Variants in CCDC144A observed in about 807,000 individuals in gnomAD.
The protein encoded by CCDC144A is coiled-coil domain containing 144A.
CCDC144A carries 41 observed loss-of-function variants against 143.8 expected under a neutral mutation model. The ratio of observed to expected loss-of-function variants is 0.29; its 90% CI spans 0.22 to 0.37. The LOEUF (loss-of-function observed/expected upper bound fraction) is 0.37, where lower values mean the gene tolerates loss of function less well. Ranked by LOEUF, CCDC144A falls within the 10% of genes least tolerant of loss-of-function variation. The pLI, the probability that CCDC144A is intolerant of heterozygous loss-of-function variation, is 1.00. For missense variants in CCDC144A, 637 were observed against 1,488.8 expected, an observed-to-expected ratio of 0.43 and a Z score of 9.41; for synonymous variants, 242 against 517.9, an observed-to-expected ratio of 0.47 and a Z score of 7.23.
At chr17:16,769,461 A>G (rs1915738847) in intron 15 of CCDC144A, among the ~76,000 whole-genome samples, 2 of 152,412 alleles carry the variant, frequency 1.3e-5, no homozygotes, top group Non-Finnish European at 2.9e-5. Context: ...TAGATGGTAA[A>G]GAGAAATCTG....
intron 12 of CCDC144A, among the ~76,000 whole-genome samples, chr17:16,751,501 T>G (rs2260031): frequency 3.7e-4 from 56 of 152,326 alleles, no homozygotes; most frequent in African/African-American, 1.2e-3. Flanking sequence ...AGTAGGATTG[T>G]GAAGGCGAGA....
chr17:16,711,158 AC>A lies in CCDC144A; in HGVS notation c.1579-520del, dbSNP rs766747641. Among the ~76,000 whole-genome samples, 107 of 142,500 alleles carry A rather than the reference AC, an allele frequency of 7.5e-4. 2 individuals carry two copies. Among genetic ancestry groups the A allele is most frequent in the East Asian group, 1.4e-3 (7 of 5,074 alleles). 93.5% of individuals were successfully genotyped at this position (142,500 alleles called of 152,430 possible). A position where few individuals can be genotyped will look rare whatever the true frequency, so the allele number is the denominator to read the frequency against. On this transcript the variant is annotated intron_variant, in intron 5 of 16. Coordinates refer to ENST00000399273, the MANE Select transcript of CCDC144A (RefSeq NM_001382000.1). ...AATGAAAAAAAAAAAAAAAAAAAAA[AC>A]AAAAGTTAGTGGGGGAAAAGAATAG...
chr17:16,686,289 A>G (rs28558766), upstream of CCDC144A, among the ~76,000 whole-genome samples: 585 of 152,052 alleles, frequency 3.8e-3, 6 homozygotes, highest in African/African-American at 0.013. Context: ...CCATGCTGGC[A>G]CCATACCAGC....
the CCDC144A span, chr17:16,683,369 G>GGACA: frequency 1.5e-6 from 1 of 648,712 alleles, no homozygotes; most frequent in African/African-American, 1.8e-5. Context: ...TCACAGTTTA[G>GGACA]GACAACTCTC....
chr17:16,770,543 C>T (rs1259865659), intron 15 of CCDC144A, among the ~76,000 whole-genome samples: 13 of 152,014 alleles, frequency 8.6e-5, no homozygotes, highest in South Asian at 2.1e-4. Context: ...CTGAAGCCCA[C>T]TCCTACCTTG....
chr17:16,744,786 C>T lies in CCDC144A; in HGVS notation c.3372+9143C>T, dbSNP rs1597577405. Among the ~76,000 whole-genome samples the T allele has an allele frequency of 2.0e-5, 3 of 151,668 alleles. No homozygotes were observed. In the South Asian group the frequency reaches 6.3e-4, roughly 32 times the overall value. ...TAATAAATGGTTAAAATCGCAGTGC[C>T]AAAAATACATTCACATTTAGCAATT... On this transcript the variant is annotated intron_variant, in intron 12 of 16. Transcript: ENST00000399273.
At chr17:16,741,546 T>C (rs1914256509) in intron 12 of CCDC144A, among the ~76,000 whole-genome samples, 1 of 152,238 alleles carries the variant, frequency 6.6e-6, no homozygotes. Context: ...TTTCTGTTCA[T>C]TAGAAGCAAG....
intron 12 of CCDC144A, among the ~76,000 whole-genome samples, chr17:16,742,321 C>T (rs1914293503): frequency 6.6e-6 from 1 of 152,100 alleles, no homozygotes; most frequent in African/African-American, 2.4e-5. Flanking sequence ...AGTTATTTTT[C>T]TGTGCTTGAA....
chr17:16,670,038 G>A, the CCDC144A span, among the ~76,000 whole-genome samples: 15 of 151,838 alleles, frequency 9.9e-5, no homozygotes, highest in Middle Eastern at 3.4e-3. Flanking sequence ...AAAATTAGCC[G>A]GGCATGATGG....
the CCDC144A span, among the ~76,000 whole-genome samples, chr17:16,667,347 A>AGCTGAGGGGCTGAGGCGGCTGAGGG: frequency 4.3e-4 from 51 of 119,806 alleles, no homozygotes; most frequent in African/African-American, 7.7e-4. Flanking sequence ...GCGGCTGAGG[A>AGCTGAGGGGCTGAGGCGGCTGAGGG]GCTGAGGGGC....
chr17:16,667,094 G>A, the CCDC144A span: 33 of 155,022 alleles, frequency 2.1e-4, no homozygotes, highest in South Asian at 1.2e-3. Context: ...CACGGAGCGC[G>A]GGTAGCAGCC....
At chr17:16,704,002 C>T (rs1481358894) in intron 2 of CCDC144A, among the ~76,000 whole-genome samples, 1 of 152,212 alleles carries the variant, frequency 6.6e-6, no homozygotes, top group African/African-American at 2.4e-5. Context: ...CTTGGCCCCT[C>T]ATCTGGATCT....
chr17:16,676,250 G>A, the CCDC144A span, among the ~76,000 whole-genome samples: 172 of 152,164 alleles, frequency 1.1e-3, no homozygotes, highest in Non-Finnish European at 1.6e-3. Context: ...GGTGGCTCAT[G>A]TCTGTATTCC....
At chr17:16,764,520 T>C (rs1915515590) in intron 15 of CCDC144A, 3 of 350,974 alleles carry the variant, frequency 8.5e-6, no homozygotes, top group East Asian at 1.9e-4. Context: ...TTTTAATGGG[T>C]TTAGTGTGCC....
chr17:16,720,896 T>C (rs1284487590), intron 8 of CCDC144A, among the ~76,000 whole-genome samples: 1 of 152,066 alleles, frequency 6.6e-6, no homozygotes, highest in East Asian at 1.9e-4. Flanking sequence ...CTTCCCCCAA[T>C]GTCAGGTTAC....
At chr17:16,678,693 A>T in the CCDC144A span, among the ~76,000 whole-genome samples, 1 of 143,262 alleles carries the variant, frequency 7.0e-6, no homozygotes. Context: ...CAATCGTGCC[A>T]TCTCAGCCTC....
At chr17:16,731,017 G>A (rs565482097) in intron 9 of CCDC144A, among the ~76,000 whole-genome samples, 35 of 150,268 alleles carry the variant, frequency 2.3e-4, no homozygotes, top group Non-Finnish European at 4.0e-4. Context: ...AAATATGCAC[G>A]AAATAAGTAA....
intron 15 of CCDC144A, among the ~76,000 whole-genome samples, chr17:16,771,122 T>C (rs1915810334): frequency 6.6e-6 from 1 of 152,208 alleles, no homozygotes; most frequent in Non-Finnish European, 1.5e-5. Flanking sequence ...AAAAATTAAA[T>C]AAGAGCACTC....
chr17:16,687,515 A>G (rs1910824849), upstream of CCDC144A, among the ~76,000 whole-genome samples: 1 of 152,200 alleles, frequency 6.6e-6, no homozygotes, highest in Admixed American at 6.5e-5. Flanking sequence ...GTATTAAACA[A>G]AAACACACAT....
Sources: allele counts gnomAD v4.1 joint callset (sites outside exome capture counted in the v4.1 genomes callset), GRCh38; gene constraint gnomAD v4.1.1; transcripts MANE v1.5; gene names NCBI Gene and HGNC (gene_info 2026-07-23, HGNC 2026-07-21).